The following ATG4C variants were observed in gnomAD, a reference collection of about 807,000 sequenced individuals.
ATG4C encodes the protein cysteine protease ATG4C.
In ATG4C, 56 loss-of-function variants were observed where a neutral mutation model predicts 57.6. That is an observed-to-expected ratio of 0.97 (90% CI 0.78 to 1.21). The LOEUF is 1.21. Among genes scored for constraint, ATG4C ranks in the 50% most tolerant of loss-of-function variants. ATG4C has a pLI of 0.00. For synonymous variants in ATG4C, 157 were observed against 174.1 expected, an observed-to-expected ratio of 0.90 and a Z score of 0.78; for missense variants, 595 against 529.8, an observed-to-expected ratio of 1.12 and a Z score of -1.21.
chr1:62,852,933 G>A (rs1007887075), intron 10 of ATG4C, among the ~76,000 whole-genome samples: 1 of 151,994 alleles, frequency 6.6e-6, no homozygotes, highest in Non-Finnish European at 1.5e-5. Context: ...ACTTCCTGAT[G>A]CCACTTTCCT....
At chr1:62,850,868 A>ATGTGTGTATGTG (rs1666493899) in intron 10 of ATG4C, among the ~76,000 whole-genome samples, 1 of 82,318 alleles carries the variant, frequency 1.2e-5, no homozygotes, top group Non-Finnish European at 2.6e-5. Flanking sequence ...ATATATATAT[A>ATGTGTGTATGTG]TATATATATA....
chr1:62,816,548 T>A (rs758666625), intron 3 of ATG4C, 27 bp from the exon 4 acceptor site: 7 of 1,535,288 alleles, frequency 4.6e-6, no homozygotes, highest in Non-Finnish European at 6.2e-6. Flanking sequence ...TCTCTGGTTA[T>A]CTTTAGACCG....
Position 62,821,123 on chromosome 1 carries a change from C to A in ATG4C, c.726-16C>A. 1 of 1,572,056 alleles carries A rather than the reference C, an allele frequency of 6.4e-7. No individual in the cohort carries two copies. Among genetic ancestry groups the A allele is most frequent in the Admixed American group, 1.9e-5 (1 of 51,472 alleles). On this transcript the variant is annotated splice_polypyrimidine_tract_variant and intron_variant, in intron 5 of 10. Coordinates refer to ENST00000317868, the MANE Select transcript of ATG4C (RefSeq NM_032852.4). ...AATGTTAGGATTTTGAAAGATAATG[C>A]TTGTTATTTTCTCAGAAAAGCAGTT...
At chr1:62,845,315 GT>G in intron 10 of ATG4C, among the ~76,000 whole-genome samples, 1 of 152,070 alleles carries the variant, frequency 6.6e-6, no homozygotes, top group Non-Finnish European at 1.5e-5. Flanking sequence ...CCTCTTTGTA[GT>G]TTTAATTTAT....
chr1:62,850,011 A>G (rs1464836343), intron 10 of ATG4C, among the ~76,000 whole-genome samples: 2 of 152,200 alleles, frequency 1.3e-5, no homozygotes, highest in Non-Finnish European at 2.9e-5. Flanking sequence ...TTAGAATTTT[A>G]TGAGTACTAT....
At chr1:62,807,947 T>C (rs1193416306) in intron 3 of ATG4C, among the ~76,000 whole-genome samples, 1 of 152,216 alleles carries the variant, frequency 6.6e-6, no homozygotes. Context: ...CTGTGGGGTC[T>C]GTGCTAACTT....
At chr1:62,803,997 G>A (rs1664770703) in intron 2 of ATG4C, 135 bp downstream of exon 2, 2 of 538,440 alleles carry the variant, frequency 3.7e-6, no homozygotes, top group South Asian at 5.7e-5. Context: ...TTTCTATAAG[G>A]AATGTAGTTA....
rs950670423 is a variant in ATG4C, at chr1:62,865,103, G to C, written c.*944G>C. On this transcript the variant is annotated 3_prime_UTR_variant, in exon 11 of 11. Coordinates refer to ENST00000317868, the MANE Select transcript of ATG4C (RefSeq NM_032852.4). ...AAATTTGTGATCTAAAAGTACAAGA[G>C]TGATTTTTGAGCTAGGATTATAAAA... 2 of 151,890 alleles carry C rather than the reference G, an allele frequency of 1.3e-5. No individual in the cohort carries two copies. The highest frequency in any genetic ancestry group is 2.4e-5 in the African/African-American group (1 of 41,432). 9.4% of individuals were successfully genotyped at this position (151,890 alleles called of 1,614,324 possible).
At chr1:62,787,484 A>G (rs1664131174) in intron 1 of ATG4C, among the ~76,000 whole-genome samples, 1 of 152,218 alleles carries the variant, frequency 6.6e-6, no homozygotes, top group Non-Finnish European at 1.5e-5. Flanking sequence ...TACATGCATT[A>G]GGGAAAAATA....
chr1:62,831,707 A>T (rs959157329), intron 7 of ATG4C, among the ~76,000 whole-genome samples: 1 of 152,180 alleles, frequency 6.6e-6, no homozygotes, highest in African/African-American at 2.4e-5. Context: ...CTAGAAAAAT[A>T]ACTGTAAAGA....
At chr1:62,858,931 CTT>C (rs1382063111) in intron 10 of ATG4C, among the ~76,000 whole-genome samples, 1 of 152,050 alleles carries the variant, frequency 6.6e-6, no homozygotes, top group African/African-American at 2.4e-5. Flanking sequence ...CATGTATACT[CTT>C]TTTTATATAC....
intron 3 of ATG4C, among the ~76,000 whole-genome samples, chr1:62,810,832 T>A (rs1034132460): frequency 6.6e-6 from 1 of 151,968 alleles, no homozygotes; most frequent in Non-Finnish European, 1.5e-5. Context: ...CAGATACATG[T>A]TTTCAGTGTT....
At chr1:62,855,464 G>A (rs1313987213) in intron 10 of ATG4C, among the ~76,000 whole-genome samples, 2 of 151,924 alleles carry the variant, frequency 1.3e-5, no homozygotes, top group African/African-American at 4.8e-5. Context: ...TAGTAGCGCT[G>A]GTGTTTGAGG....
chr1:62,806,562 G>A (rs1248987962), intron 3 of ATG4C, among the ~76,000 whole-genome samples: 1 of 151,962 alleles, frequency 6.6e-6, no homozygotes, highest in African/African-American at 2.4e-5. Flanking sequence ...ATCAAGCGAT[G>A]AAAAGTAAAT....
chr1:62,812,401 G>A (rs971346882), intron 3 of ATG4C, among the ~76,000 whole-genome samples: 3 of 152,128 alleles, frequency 2.0e-5, no homozygotes, highest in Non-Finnish European at 2.9e-5. Context: ...TGCAGAAAAG[G>A]CCTTCGATAA....
chr1:62,818,978 G>T, intron 4 of ATG4C, 27 bp from the exon 5 acceptor site: 1 of 1,471,450 alleles, frequency 6.8e-7, no homozygotes, highest in South Asian at 1.4e-5. Context: ...TAAAAGATCT[G>T]AACACTTTGC....
At chr1:62,822,649 T>C (rs1207539639) in intron 6 of ATG4C, among the ~76,000 whole-genome samples, 1 of 152,222 alleles carries the variant, frequency 6.6e-6, no homozygotes, top group Non-Finnish European at 1.5e-5. Context: ...CTTGTATTTG[T>C]ATAATTTTTA....
chr1:62,836,749 A>G (rs1382733053), intron 9 of ATG4C, among the ~76,000 whole-genome samples: 1 of 152,052 alleles, frequency 6.6e-6, no homozygotes, highest in Non-Finnish European at 1.5e-5. Context: ...TTTTATAGGG[A>G]ACTTTTTGGG....
intron 1 of ATG4C, among the ~76,000 whole-genome samples, chr1:62,791,572 G>A (rs895348750): frequency 6.6e-6 from 1 of 152,152 alleles, no homozygotes; most frequent in Non-Finnish European, 1.5e-5. Flanking sequence ...AGAGTCCTGA[G>A]GTGGTGCAGG....
Sources: allele counts gnomAD v4.1 joint callset (sites outside exome capture counted in the v4.1 genomes callset), GRCh38; gene constraint gnomAD v4.1.1; transcripts MANE v1.5; gene names NCBI Gene and HGNC (gene_info 2026-07-23, HGNC 2026-07-21).